LRP1B: variants seen among roughly 807,000 people sequenced by gnomAD.
The protein encoded by LRP1B is low-density lipoprotein receptor-related protein 1B.
In LRP1B, 217 loss-of-function variants were observed where a neutral mutation model predicts 556.6. The ratio of observed to expected loss-of-function variants is 0.39; its 90% CI spans 0.35 to 0.44. The LOEUF (loss-of-function observed/expected upper bound fraction) is 0.44, where lower values mean the gene tolerates loss of function less well. LRP1B is among the 20% of genes least tolerant of loss of function. LRP1B has a pLI of 1.00. For synonymous variants in LRP1B, 2,047 were observed against 1,865.8 expected (o/e 1.10, Z -2.50); for missense variants, 5,053 against 5,620.8 (o/e 0.90, Z 3.23).
chr2:141,958,848 A>G lies in LRP1B; in HGVS notation c.83-148447T>C, dbSNP rs559762205. On this transcript the variant is annotated intron_variant, in intron 1 of 90. Coordinates refer to ENST00000389484, the MANE Select transcript of LRP1B (RefSeq NM_018557.3). ...CCTGCTTTTCATTAAATTAATTCTA[A>G]ATATACTTTTATTACAGTTTAATAT... is the stretch of plus-strand genomic sequence containing the variant. Among the ~76,000 whole-genome samples, 59 of 152,110 alleles carry G rather than the reference A, an allele frequency of 3.9e-4. No homozygotes were observed. The South Asian group carries it at 0.011, about 29-fold the overall frequency.
chr2:140,964,808 T>G (rs1292711853), intron 18 of LRP1B, among the ~76,000 whole-genome samples: 1 of 152,194 alleles, frequency 6.6e-6, no homozygotes, highest in Non-Finnish European at 1.5e-5. Context: ...GTCCTCTGTC[T>G]CTTGCCTCGG....
At chr2:141,830,276 T>C (rs1014235965) in intron 1 of LRP1B, among the ~76,000 whole-genome samples, 9 of 152,030 alleles carry the variant, frequency 5.9e-5, no homozygotes, top group African/African-American at 2.2e-4. Context: ...ATCTAACATT[T>C]CTGGCAGCCT....
At chr2:140,659,209 A>G (rs189280276) in intron 41 of LRP1B, among the ~76,000 whole-genome samples, 1 of 150,326 alleles carries the variant, frequency 6.7e-6, no homozygotes, top group East Asian at 2.0e-4. Flanking sequence ...TGCCACAATA[A>G]TAGGTTCATG....
intron 41 of LRP1B, among the ~76,000 whole-genome samples, chr2:140,669,382 T>C (rs1475195359): frequency 1.3e-5 from 2 of 152,072 alleles, no homozygotes; most frequent in African/African-American, 2.4e-5. Flanking sequence ...TTAGGATGGG[T>C]TAATAGCAAG....
At chr2:141,879,658 T>TA (rs1698886950) in intron 1 of LRP1B, among the ~76,000 whole-genome samples, 1 of 35,994 alleles carries the variant, frequency 2.8e-5, no homozygotes, top group Admixed American at 2.9e-4. Flanking sequence ...AGGCCATGAC[T>TA]TCAGATACAG....
intron 2 of LRP1B, among the ~76,000 whole-genome samples, chr2:141,799,808 C>CTGTGTG (rs145191262): frequency 4.1e-4 from 60 of 147,722 alleles, no homozygotes; most frequent in Middle Eastern, 3.4e-3. Flanking sequence ...AAGAGTGTGT[C>CTGTGTG]TGTGTGTGTG....
chr2:140,610,730 T>C lies in LRP1B; in HGVS notation c.6800-9091A>G, dbSNP rs537296129. ...CCTCCTGAGTAGCTGGGACTACAGG[T>C]GCCCGCCACCATGGCCGGCTAATTT... On this transcript the variant is annotated intron_variant, in intron 41 of 90. Coordinates refer to ENST00000389484, the MANE Select transcript of LRP1B (RefSeq NM_018557.3). 1.4e-4 allele frequency among the ~76,000 whole-genome samples: 22 copies of C among 152,250 alleles called. No homozygotes were observed. In the South Asian group the frequency reaches 3.5e-3, roughly 24 times the overall value.
intron 33 of LRP1B, among the ~76,000 whole-genome samples, chr2:140,774,449 C>G (rs1024345526): frequency 6.6e-6 from 1 of 152,054 alleles, no homozygotes; most frequent in Admixed American, 6.5e-5. Context: ...GGAATTATAT[C>G]TAGAAAATTT....
intron 12 of LRP1B, among the ~76,000 whole-genome samples, chr2:141,017,723 C>A (rs1697946980): frequency 6.6e-6 from 1 of 151,418 alleles, no homozygotes; most frequent in Non-Finnish European, 1.5e-5. Flanking sequence ...GGCCAGGCAC[C>A]ATGGCTCATG....
At position 140,840,933 on chromosome 2, in the gene LRP1B, G is replaced by A. The variant is rs1178946809; in HGVS notation, c.5099C>T (p.Ala1700Val). ...CATACTTTACCCCCTGACTGGGTGA[G>A]CTGCAAGACACTGTGGCTTATCGAT... The part of the protein sequence containing the change: ...HGIDKPQCLA[A>V]HPVRGKLYWT... Residue 1700 changes from alanine (A) to valine (V), a missense_variant, in exon 30 of 91, where the codon GCT becomes GTT. Coordinates refer to ENST00000389484, the MANE Select transcript of LRP1B (RefSeq NM_018557.3). 1.2e-6 allele frequency: 2 copies of A among 1,605,580 alleles called. No individual in the cohort carries two copies. The highest frequency in any genetic ancestry group is 1.3e-5 in the African/African-American group (1 of 74,620).
intron 33 of LRP1B, among the ~76,000 whole-genome samples, chr2:140,771,674 T>G (rs1031108457): frequency 1.6e-4 from 25 of 152,196 alleles, no homozygotes; most frequent in Non-Finnish European, 3.4e-4. Flanking sequence ...CTGAAGATGT[T>G]CCATTGAATT....
intron 2 of LRP1B, among the ~76,000 whole-genome samples, chr2:141,604,785 G>C (rs141624301): frequency 6.6e-6 from 1 of 152,020 alleles, no homozygotes; most frequent in Admixed American, 6.6e-5. Context: ...GATCATGCCC[G>C]CATCCCTTCT....
At chr2:140,899,312 G>A (rs988670992) in intron 23 of LRP1B, among the ~76,000 whole-genome samples, 2 of 152,172 alleles carry the variant, frequency 1.3e-5, no homozygotes, top group African/African-American at 4.8e-5. Flanking sequence ...AAGGAAACCA[G>A]GAGACAGGAA....
chr2:141,935,917 T>C (rs575910901), intron 1 of LRP1B, among the ~76,000 whole-genome samples: 1 of 152,296 alleles, frequency 6.6e-6, no homozygotes, highest in African/African-American at 2.4e-5. Context: ...AGACCCTGTC[T>C]CTTAAAAAGT....
chr2:141,205,820 A>G (rs1320716902), intron 6 of LRP1B, among the ~76,000 whole-genome samples: 1 of 152,212 alleles, frequency 6.6e-6, no homozygotes, highest in Non-Finnish European at 1.5e-5. Context: ...CTTTGAGATA[A>G]TAAAAGACAA....
At chr2:141,742,924 T>C (rs75509126) in intron 2 of LRP1B, among the ~76,000 whole-genome samples, 11,263 of 152,162 alleles carry the variant, frequency 0.074, 1,378 homozygotes, top group African/African-American at 0.26. Flanking sequence ...TGTTGGCATA[T>C]AGAAATGTTA....
intron 3 of LRP1B, among the ~76,000 whole-genome samples, chr2:141,302,701 T>A (rs762171905): frequency 2.8e-4 from 43 of 152,234 alleles, no homozygotes; most frequent in Non-Finnish European, 5.6e-4. Context: ...ATCTATGCAA[T>A]TTGTTTCATA....
At chr2:140,725,068 C>T (rs1343604439) in intron 35 of LRP1B, among the ~76,000 whole-genome samples, 4 of 152,186 alleles carry the variant, frequency 2.6e-5, no homozygotes, top group Admixed American at 6.5e-5. Flanking sequence ...ATTTATCTAA[C>T]ATAATGATTT....
At chr2:140,705,297 G>A (rs904521239) in intron 37 of LRP1B, among the ~76,000 whole-genome samples, 1 of 151,918 alleles carries the variant, frequency 6.6e-6, no homozygotes, top group African/African-American at 2.4e-5. Context: ...GCTGAGGCAG[G>A]CGTATCACTT....
Sources: gnomAD v4.1 joint callset for allele counts (sites outside exome capture counted in the v4.1 genomes callset) on GRCh38, gnomAD v4.1.1 for gene constraint, MANE v1.5 for transcripts, NCBI Gene and HGNC (gene_info 2026-07-23, HGNC 2026-07-21) for gene names.